PON1: variants seen among roughly 807,000 people sequenced by gnomAD.
PON1 encodes the protein paraoxonase 1, also known as serum paraoxonase/arylesterase 1.
Under a neutral mutation model 39.2 loss-of-function variants are expected in PON1, and 37 were observed. The observed-to-expected ratio is 0.94, with a 90% confidence interval of 0.73 to 1.24. PON1 has a LOEUF of 1.24. Ranked by LOEUF, PON1 falls within the 50% of genes most tolerant of loss-of-function variation. The pLI, the probability that PON1 is intolerant of heterozygous loss-of-function variation, is 0.00. For synonymous variants in PON1, 148 were observed against 152.2 expected (o/e 0.97, Z 0.21); for missense variants, 397 against 413.5 (o/e 0.96, Z 0.35).
At chr7:95,308,723 T>C (rs529112381) in intron 5 of PON1, among the ~76,000 whole-genome samples, 59 of 152,306 alleles carry the variant, frequency 3.9e-4, no homozygotes, top group African/African-American at 1.4e-3. Flanking sequence ...GAAAAATCAA[T>C]CTTTTCACAT....
At chr7:95,307,960 T>C in intron 6 of PON1, 51 bp downstream of exon 6, 1 of 1,487,832 alleles carries the variant, frequency 6.7e-7, no homozygotes, top group Non-Finnish European at 9.4e-7. Flanking sequence ...TATTCCAAGA[T>C]ATCTCCTGAG....
intron 1 of PON1, 153 bp from the exon 2 acceptor site, chr7:95,318,546 G>C: frequency 1.5e-6 from 1 of 669,320 alleles, no homozygotes; most frequent in Non-Finnish European, 2.6e-6. Flanking sequence ...GCAAGGCCAG[G>C]GCAAGACAAG....
At chr7:95,304,517 A>AGAG (rs2116303398) in intron 7 of PON1, among the ~76,000 whole-genome samples, 1 of 152,030 alleles carries the variant, frequency 6.6e-6, no homozygotes, top group Admixed American at 6.5e-5. Flanking sequence ...TACCTTTAGT[A>AGAG]GAGACGGGGT....
chr7:95,300,126 A>G (rs920947879), intron 8 of PON1, among the ~76,000 whole-genome samples: 2 of 152,240 alleles, frequency 1.3e-5, no homozygotes, highest in Admixed American at 1.3e-4. Flanking sequence ...TGTATCAATA[A>G]TAACAGTGTA....
At chr7:95,300,545 T>C (rs1807398062) in intron 8 of PON1, among the ~76,000 whole-genome samples, 1 of 152,144 alleles carries the variant, frequency 6.6e-6, no homozygotes, top group African/African-American at 2.4e-5. Context: ...CATGTAGTAG[T>C]TACAGGGAAA....
At chr7:95,319,778 TCAGA>T (rs1396728858) in intron 1 of PON1, among the ~76,000 whole-genome samples, 3 of 152,188 alleles carry the variant, frequency 2.0e-5, no homozygotes, top group Non-Finnish European at 4.4e-5. Flanking sequence ...TACAAACTTT[TCAGA>T]CAGAGACTCA....
chr7:95,309,198 G>A (rs1478258809), intron 5 of PON1, among the ~76,000 whole-genome samples: 1 of 151,912 alleles, frequency 6.6e-6, no homozygotes, highest in Admixed American at 6.6e-5. Context: ...TAAGGGTCAG[G>A]ATCTTAATTT....
chr7:95,313,616 A>ATGTGTG (rs1322722871), intron 4 of PON1, among the ~76,000 whole-genome samples: 5 of 69,644 alleles, frequency 7.2e-5, no homozygotes, highest in East Asian at 9.7e-4. Flanking sequence ...ATATATATGT[A>ATGTGTG]TATGTGTGTG....
intron 5 of PON1, among the ~76,000 whole-genome samples, chr7:95,310,887 G>A (rs1807638432): frequency 6.6e-6 from 1 of 152,198 alleles, no homozygotes; most frequent in African/African-American, 2.4e-5. Context: ...GACTGAGATT[G>A]GAGATTCTTG....
At chr7:95,322,617 G>A (rs1473185993) in intron 1 of PON1, among the ~76,000 whole-genome samples, 7 of 152,118 alleles carry the variant, frequency 4.6e-5, no homozygotes, top group Non-Finnish European at 8.8e-5. Flanking sequence ...GTGGACTCAC[G>A]TATTGCAATT....
intron 1 of PON1, among the ~76,000 whole-genome samples, chr7:95,320,022 A>G (rs974942542): frequency 6.6e-6 from 1 of 152,216 alleles, no homozygotes; most frequent in Non-Finnish European, 1.5e-5. Flanking sequence ...AGTGTAGTGA[A>G]TATTTGTAGC....
Position 95,298,978 on chromosome 7 carries a change from G to A in PON1, c.1034C>T (p.Thr345Ile). ...ACAGTAAAGAGCTTTGTGAAACACT[G>A]TGCCAATCAGCAGTTTCCCTTTGTA... ...SVYKGKLLIGTVFHKALYCEL is the reference protein window; with the variant it reads ...SVYKGKLLIGIVFHKALYCEL The change falls in exon 9 of 9, where the codon ACA becomes ATA. Residue 345 changes from threonine (T) to isoleucine (I), a missense_variant. Transcript: ENST00000222381. 6.2e-7 allele frequency: 1 copy of A among 1,614,146 alleles called. No individual in the cohort carries two copies. The highest frequency in any genetic ancestry group is 8.5e-7 in the Non-Finnish European group (1 of 1,180,024).
chr7:95,322,709 T>C (rs1807926667), intron 1 of PON1, among the ~76,000 whole-genome samples: 1 of 152,156 alleles, frequency 6.6e-6, no homozygotes, highest in African/African-American at 2.4e-5. Context: ...GGGAGCTGTT[T>C]CTACCATCAT....
At chr7:95,318,690 A>C in intron 1 of PON1, 1 of 328,128 alleles carries the variant, frequency 3.0e-6, no homozygotes, top group Non-Finnish European at 5.8e-6. Context: ...GTGTGTAAGG[A>C]CTCCTAGGTG....
At chr7:95,306,196 A>C (rs1807537380) in intron 7 of PON1, 89 bp downstream of exon 7, 2 of 1,143,842 alleles carry the variant, frequency 1.7e-6, no homozygotes, top group Non-Finnish European at 1.3e-6. Context: ...CACCCCAATT[A>C]AGCAGTCCTT....
intron 3 of PON1, among the ~76,000 whole-genome samples, chr7:95,316,175 A>C (rs1177686300): frequency 6.6e-6 from 1 of 152,176 alleles, no homozygotes; most frequent in Non-Finnish European, 1.5e-5. Flanking sequence ...TATGATCCCT[A>C]GGCCAGATGG....
intron 5 of PON1, 104 bp downstream of exon 5, chr7:95,311,347 G>A: frequency 7.3e-7 from 1 of 1,362,854 alleles, no homozygotes; most frequent in Non-Finnish European, 1.0e-6. Context: ...CATTAGAAAT[G>A]AGAGTTGAAC....
At position 95,303,445 on chromosome 7, in the gene PON1, T is replaced by C. The variant is rs3917559; in HGVS notation, c.781-1112A>G. Among the ~76,000 whole-genome samples the C allele has an allele frequency of 3.4e-3, 522 of 152,318 alleles. 3 individuals carry two copies. The highest frequency in any genetic ancestry group is 0.012 in the African/African-American group (493 of 41,574). On this transcript the variant is annotated intron_variant, in intron 7 of 8. Coordinates refer to ENST00000222381, the MANE Select transcript of PON1 (RefSeq NM_000446.7). ...GTCTTTGAATGAGGAAAATGTTTGT[T>C]TCAGGGCTTTGCTCTTATCTTTGGA...
intron 5 of PON1, among the ~76,000 whole-genome samples, chr7:95,309,108 C>T (rs940949600): frequency 1.3e-5 from 2 of 152,086 alleles, no homozygotes; most frequent in African/African-American, 2.4e-5. Context: ...GTTAGACAGG[C>T]ATGCAGAGCC....
Sources: gnomAD v4.1 joint callset for allele counts (sites outside exome capture counted in the v4.1 genomes callset) on GRCh38, gnomAD v4.1.1 for gene constraint, MANE v1.5 for transcripts, NCBI Gene and HGNC (gene_info 2026-07-23, HGNC 2026-07-21) for gene names.